The following IGSF21 variants were observed in gnomAD, a reference collection of about 807,000 sequenced individuals.
IGSF21 encodes immunoglobulin superfamily member 21.
Under a neutral mutation model 46.8 loss-of-function variants are expected in IGSF21, and 28 were observed. The ratio of observed to expected loss-of-function variants is 0.60; its 90% confidence interval spans 0.44 to 0.82. The LOEUF (loss-of-function observed/expected upper bound fraction) is 0.82. Ranked by LOEUF, IGSF21 falls within the 40% of genes least tolerant of loss-of-function variation. IGSF21 has a pLI of 0.00. For missense variants in IGSF21, 624 were observed against 665.5 expected, an observed-to-expected ratio of 0.94 and a Z score of 0.69; for synonymous variants, 284 against 273.6, an observed-to-expected ratio of 1.04 and a Z score of -0.38.
chr1:18,341,596 C>A (rs1028653254), intron 4 of IGSF21, among the ~76,000 whole-genome samples: 1 of 152,190 alleles, frequency 6.6e-6, no homozygotes, highest in African/African-American at 2.4e-5. Context: ...TGAACACTCA[C>A]AAAAGCTCTG....
intron 2 of IGSF21, among the ~76,000 whole-genome samples, chr1:18,270,333 C>T (rs2085030624): frequency 3.3e-5 from 5 of 152,208 alleles, no homozygotes; most frequent in Admixed American, 2.6e-4. Flanking sequence ...ATAATGGTTT[C>T]GTTCCCAAGC....
intron 1 of IGSF21, among the ~76,000 whole-genome samples, chr1:18,194,464 G>A (rs2086988248): frequency 6.6e-6 from 1 of 152,190 alleles, no homozygotes; most frequent in Admixed American, 6.5e-5. Flanking sequence ...CTCTCTGAAG[G>A]CTCCAGAGGA....
intron 4 of IGSF21, among the ~76,000 whole-genome samples, chr1:18,341,012 CTCT>C (rs10536109): frequency 0.063 from 5,388 of 85,070 alleles, 438 homozygotes; most frequent in African/African-American, 0.18. Flanking sequence ...CCTCCTTCTT[CTCT>C]TCTTCTTCTT....
intron 2 of IGSF21, 83 bp from the exon 3 acceptor site, chr1:18,291,783 T>C: frequency 6.6e-7 from 1 of 1,526,334 alleles, no homozygotes; most frequent in Non-Finnish European, 9.0e-7. Flanking sequence ...GCTTCCTGCC[T>C]GCATCTTGTC....
chr1:18,137,700 A>G (rs1050095653), intron 1 of IGSF21, among the ~76,000 whole-genome samples: 2 of 152,156 alleles, frequency 1.3e-5, no homozygotes, highest in Non-Finnish European at 2.9e-5. Flanking sequence ...TCTACCACAT[A>G]TGAAGGATTT....
Position 18,373,646 on chromosome 1 carries a change from C to T in IGSF21, c.1016-2664C>T, listed in dbSNP as rs193222980. 5.5e-3 allele frequency among the ~76,000 whole-genome samples: 840 copies of T among 152,258 alleles called. 3 individuals carry two copies. Among genetic ancestry groups the T allele is most frequent in the Non-Finnish European group, 9.9e-3 (671 of 68,008 alleles). On this transcript the variant is annotated intron_variant, in intron 6 of 9. Coordinates refer to ENST00000251296, the MANE Select transcript of IGSF21 (RefSeq NM_032880.5). ...CAGATGCACACAGGAGCCCAGGAGC[C>T]GGGGTGCCCTGGGTGGAAGAAGGCA... is the stretch of plus-strand genomic sequence containing the variant.
chr1:18,376,437 G>A (rs754476816), intron 7 of IGSF21, 42 bp downstream of exon 7: 1 of 1,421,444 alleles, frequency 7.0e-7, no homozygotes, highest in Non-Finnish European at 1.0e-6. Flanking sequence ...GTGGGAGGTG[G>A]TAGAGGCACC....
At chr1:18,205,945 C>A (rs555885455) in intron 1 of IGSF21, among the ~76,000 whole-genome samples, 1 of 152,210 alleles carries the variant, frequency 6.6e-6, no homozygotes, top group Non-Finnish European at 1.5e-5. Context: ...CCTACCTCAT[C>A]ATAGGCCTTA....
chr1:18,354,085 C>T (rs1022700945), intron 4 of IGSF21, among the ~76,000 whole-genome samples: 7 of 152,206 alleles, frequency 4.6e-5, no homozygotes, highest in Admixed American at 4.6e-4. Context: ...TAACAAGTAG[C>T]AATGAGTATG....
intron 4 of IGSF21, among the ~76,000 whole-genome samples, chr1:18,342,070 T>TG (rs1553165084): frequency 4.5e-5 from 5 of 111,876 alleles, no homozygotes; most frequent in African/African-American, 1.5e-4. Flanking sequence ...TTTTTTTTTG[T>TG]TTGTTTGTTT....
intron 2 of IGSF21, among the ~76,000 whole-genome samples, chr1:18,255,833 A>G (rs905330410): frequency 6.6e-6 from 1 of 151,946 alleles, no homozygotes; most frequent in Admixed American, 6.6e-5. Context: ...GTCCACCATC[A>G]TCTTAGTCTG....
intron 2 of IGSF21, among the ~76,000 whole-genome samples, chr1:18,255,893 C>T (rs1009912136): frequency 6.6e-6 from 1 of 152,186 alleles, no homozygotes; most frequent in African/African-American, 2.4e-5. Flanking sequence ...TGTGCAGCCC[C>T]AGTCCATTCT....
At chr1:18,227,028 A>G (rs1280013502) in intron 1 of IGSF21, among the ~76,000 whole-genome samples, 1 of 152,224 alleles carries the variant, frequency 6.6e-6, no homozygotes, top group Non-Finnish European at 1.5e-5. Flanking sequence ...CCAGGGCAAG[A>G]GTCCCAGCGT....
At chr1:18,228,750 C>G (rs980580836) in intron 2 of IGSF21, among the ~76,000 whole-genome samples, 4 of 152,186 alleles carry the variant, frequency 2.6e-5, no homozygotes, top group South Asian at 2.1e-4. Flanking sequence ...CACCACCATC[C>G]TGGGGGAGAA....
intron 1 of IGSF21, among the ~76,000 whole-genome samples, chr1:18,154,780 CCTTTCCCT>C (rs1208372611): frequency 6.6e-6 from 1 of 151,638 alleles, no homozygotes; most frequent in Non-Finnish European, 1.5e-5. Flanking sequence ...CTTTCCCCTC[CCTTTCCCT>C]CTTTCCCTCC....
intron 2 of IGSF21, among the ~76,000 whole-genome samples, chr1:18,287,180 CA>C (rs1157021116): frequency 0.11 from 3,511 of 31,798 alleles, 191 homozygotes; most frequent in African/African-American, 0.17. Context: ...GACTCCGTCT[CA>C]AAAAAAAAAA....
intron 2 of IGSF21, among the ~76,000 whole-genome samples, chr1:18,244,592 C>T (rs1178857308): frequency 6.6e-6 from 1 of 152,164 alleles, no homozygotes; most frequent in African/African-American, 2.4e-5. Context: ...ATACGTAGAG[C>T]CTGTTGCTTC....
At chr1:18,257,957 G>T (rs565097644) in intron 2 of IGSF21, among the ~76,000 whole-genome samples, 34 of 152,300 alleles carry the variant, frequency 2.2e-4, no homozygotes, top group South Asian at 6.2e-4. Flanking sequence ...AGTGAGTGAT[G>T]CTCTTCATTG....
At chr1:18,218,536 C>A (rs146653878) in intron 1 of IGSF21, among the ~76,000 whole-genome samples, 1 of 152,200 alleles carries the variant, frequency 6.6e-6, no homozygotes, top group African/African-American at 2.4e-5. Context: ...AATATATGGA[C>A]ATCTATTTGA....
Sources: gnomAD v4.1 joint callset for allele counts (sites outside exome capture counted in the v4.1 genomes callset) on GRCh38, gnomAD v4.1.1 for gene constraint, MANE v1.5 for transcripts, NCBI Gene and HGNC (gene_info 2026-07-23, HGNC 2026-07-21) for gene names.